PCDHGA9: variants seen among roughly 807,000 people sequenced by gnomAD.
PCDHGA9 encodes the protein protocadherin gamma-A9.
PCDHGA9 carries 37 observed loss-of-function variants against 62.5 expected under a neutral mutation model. That is an observed-to-expected ratio of 0.59 (90% CI 0.46 to 0.78). The LOEUF (loss-of-function observed/expected upper bound fraction) is 0.78, where lower values mean the gene tolerates loss of function less well. Among genes scored for constraint, PCDHGA9 ranks in the 30% least tolerant of loss-of-function variants. The pLI is 0.00. For synonymous variants in PCDHGA9, 459 were observed against 484.6 expected (o/e 0.95, Z 0.69); for missense variants, 1,138 against 1,166.2 (o/e 0.98, Z 0.35).
chr5:141,433,199 A>G (rs2097574804), intron 1 of PCDHGA9: 1 of 1,579,570 alleles, frequency 6.3e-7, no homozygotes, highest in Non-Finnish European at 8.6e-7. Context: ...TTTATATCAA[A>G]TCTTCTTTCT....
intron 1 of PCDHGA9, chr5:141,407,888 C>T (rs769893466): frequency 2.6e-6 from 1 of 388,626 alleles, no homozygotes; most frequent in Non-Finnish European, 4.6e-6. Flanking sequence ...TTTCGGAGAC[C>T]GAATTCAAAA....
intron 1 of PCDHGA9, chr5:141,414,202 G>A: frequency 6.2e-7 from 1 of 1,611,912 alleles, no homozygotes; most frequent in Non-Finnish European, 8.5e-7. Flanking sequence ...TACAGTAGAA[G>A]ATGTAAATGA....
At chr5:141,421,966 G>A in intron 1 of PCDHGA9, 1 of 1,610,918 alleles carries the variant, frequency 6.2e-7, no homozygotes, top group Non-Finnish European at 8.5e-7. Flanking sequence ...TACACAGTCC[G>A]TATATCGCGT....
At position 141,403,413 on chromosome 5, in the gene PCDHGA9, T is replaced by G. The variant is rs1467852757; in HGVS notation, c.461T>G (p.Leu154Arg). The G allele has an allele frequency of 1.2e-6, 2 of 1,613,928 alleles. No individual in the cohort carries two copies. Among genetic ancestry groups the G allele is most frequent in the African/African-American group, 2.7e-5 (2 of 74,948 alleles). ...EIAVPGARYP[L>R]PEAIDPDVGV... ...GCGGTTCCTGGAGCACGTTATCCACTTCCAGAAGCTATTGATCCGGATGTT... is the reference window on the plus strand; with the variant it reads ...GCGGTTCCTGGAGCACGTTATCCACGTCCAGAAGCTATTGATCCGGATGTT... The change falls in exon 1 of 4, where the codon CTT (leucine) becomes CGT (arginine). Residue 154 changes from leucine to arginine, a missense_variant. Physicochemically the swap from Leu to Arg is moderately radical, Grantham distance 102 (BLOSUM62 -2). Transcript: ENST00000573521.
chr5:141,417,842 C>G (rs1247720013), intron 1 of PCDHGA9: 2 of 1,537,166 alleles, frequency 1.3e-6, no homozygotes, highest in Admixed American at 2.0e-5. Flanking sequence ...GGGGACCCAG[C>G]GAGAACCCGA....
chr5:141,507,075 C>T (rs1006779614), intron 3 of PCDHGA9: 25 of 152,176 alleles, frequency 1.6e-4, no homozygotes, highest in Admixed American at 1.1e-3. Context: ...CCTGGCTCAA[C>T]TCCTAAGTTT....
chr5:141,456,700 C>G (rs1420857227), intron 1 of PCDHGA9, among the ~76,000 whole-genome samples: 2 of 152,060 alleles, frequency 1.3e-5, no homozygotes, highest in Admixed American at 1.3e-4. Flanking sequence ...CGTGGTGGCT[C>G]GCGCCTGTAA....
At chr5:141,419,392 C>A (rs1338481275) in intron 1 of PCDHGA9, 1 of 1,613,612 alleles carries the variant, frequency 6.2e-7, no homozygotes, top group Non-Finnish European at 8.5e-7. Flanking sequence ...GCGCGCAGAG[C>A]GGGGTGGTGT....
chr5:141,420,089 A>G lies in PCDHGA9; in HGVS notation c.2424+14713A>G. On this transcript the variant is annotated intron_variant, in intron 1 of 3. Transcript: ENST00000573521. The stretch of plus-strand genomic sequence containing the variant: ...CGGACCTGTGGGTCCCCCCAACTAC[A>G]GTGAGGGAACGTTGCCCTATGCCTA... 2.5e-6 allele frequency: 4 copies of G among 1,613,986 alleles called. No individual in the cohort carries two copies. Among genetic ancestry groups the G allele is most frequent in the Middle Eastern group, 1.6e-4 (1 of 6,062 alleles).
chr5:141,448,720 C>T (rs545687728), intron 1 of PCDHGA9, among the ~76,000 whole-genome samples: 24 of 152,030 alleles, frequency 1.6e-4, no homozygotes, highest in African/African-American at 5.8e-4. Flanking sequence ...GCGGGAGGAT[C>T]ACGAGGTCAG....
chr5:141,436,383 G>A (rs1374382672), intron 1 of PCDHGA9, among the ~76,000 whole-genome samples: 1 of 152,104 alleles, frequency 6.6e-6, no homozygotes, highest in Admixed American at 6.5e-5. Flanking sequence ...AGCTGAATAG[G>A]CTTTATTAAA....
Position 141,402,997 on chromosome 5 carries a change from G to C in PCDHGA9, c.45G>C (p.Leu15=). Residue 15 remains leucine (L), a synonymous_variant, in exon 1 of 4, where the codon CTG becomes CTC. Transcript: ENST00000573521. ...TKCQLRGRLV[L]LCSLLGMLWE... is the part of the protein sequence containing the mutation. ...GCCAGCTCCGCGGAAGATTAGTCCT[G>C]CTATGCTCGCTCCTGGGGATGCTAT... The C allele has an allele frequency of 3.7e-6, 6 of 1,613,928 alleles. No individual in the cohort carries two copies. Among genetic ancestry groups the C allele is most frequent in the Non-Finnish European group, 5.1e-6 (6 of 1,179,848 alleles).
At chr5:141,426,514 G>A (rs867794856) in intron 1 of PCDHGA9, 22 of 340,738 alleles carry the variant, frequency 6.5e-5, no homozygotes, top group Non-Finnish European at 8.2e-5. Context: ...ATACTTTACC[G>A]TGAACACGGA....
intron 1 of PCDHGA9, among the ~76,000 whole-genome samples, chr5:141,458,500 T>G (rs2098947037): frequency 6.6e-6 from 1 of 151,442 alleles, no homozygotes; most frequent in Admixed American, 6.6e-5. Context: ...CTGTACATAC[T>G]GTTTGACACT....
Position 141,491,732 on chromosome 5 carries a change from C to G in PCDHGA9, c.2425-3075C>G. ...GGCTCGGCGCCGCCCCGGGCGACCC[C>G]TGGGGGCGGCACTGGAGAAGCCGCC... On this transcript the variant is annotated intron_variant, in intron 1 of 3. Coordinates refer to ENST00000573521, the MANE Select transcript of PCDHGA9 (RefSeq NM_018921.3). This position sits in a 1 kb window ranked among gnomAD's most constrained non-coding sequence, Gnocchi z 6.9. The G allele has an allele frequency of 1.2e-6, 2 of 1,602,752 alleles. No individual in the cohort carries two copies. Among genetic ancestry groups the G allele is most frequent in the Non-Finnish European group, 1.7e-6 (2 of 1,175,308 alleles).
Position 141,489,322 on chromosome 5 carries a change from T to G in PCDHGA9, c.2425-5485T>G. 1.9e-6 allele frequency: 3 copies of G among 1,601,052 alleles called. No homozygotes were observed. The highest frequency in any genetic ancestry group is 2.2e-5 in the East Asian group (1 of 44,726). On this transcript the variant is annotated intron_variant, in intron 1 of 3. Transcript: ENST00000573521. This position sits in a 1 kb window ranked among gnomAD's most constrained non-coding sequence, Gnocchi z 4.5. The stretch of plus-strand genomic sequence containing the variant: ...GTCCTTGTGCTGCTGGGGCTGGGTG[T>G]CTGGGCAGCTTCGTTACTCAGTGGT...
intron 1 of PCDHGA9, among the ~76,000 whole-genome samples, chr5:141,447,725 C>T (rs1009407606): frequency 1.3e-5 from 2 of 152,174 alleles, no homozygotes; most frequent in African/African-American, 4.8e-5. Context: ...TTTTCCAAAA[C>T]TCATTGAACT....
chr5:141,431,719 A>G lies in PCDHGA9; in HGVS notation c.2424+26343A>G. On this transcript the variant is annotated intron_variant, in intron 1 of 3. Transcript: ENST00000573521. This position sits in a 1 kb window ranked among gnomAD's most constrained non-coding sequence, Gnocchi z 4.8. ...CAGGATTCTACCAGATGGAAGTGCA[A>G]GCAATGGATAATGCAGGATATTCTG... 6.2e-7 allele frequency: 1 copy of G among 1,614,244 alleles called. No individual in the cohort carries two copies. Among genetic ancestry groups the G allele is most frequent in the Non-Finnish European group, 8.5e-7 (1 of 1,180,050 alleles).
intron 1 of PCDHGA9, chr5:141,416,678 G>T (rs2096051953): frequency 6.6e-6 from 1 of 151,990 alleles, no homozygotes; most frequent in Non-Finnish European, 1.5e-5. Flanking sequence ...TGCAACGAAG[G>T]GAAATTATAT....
Sources: allele counts gnomAD v4.1 joint callset (sites outside exome capture counted in the v4.1 genomes callset), GRCh38; gene constraint gnomAD v4.1.1; non-coding constraint Gnocchi (gnomAD v3.1); transcripts MANE v1.5; gene names NCBI Gene and HGNC (gene_info 2026-07-23, HGNC 2026-07-21).